Variants in SLC6A11 observed in about 807,000 individuals in gnomAD.
The protein encoded by SLC6A11 is sodium- and chloride-dependent GABA transporter 3.
A neutral mutation model predicts 74.8 loss-of-function variants in SLC6A11; 25 were observed. The ratio of observed to expected loss-of-function variants is 0.33; its 90% confidence interval spans 0.24 to 0.47. The LOEUF is 0.47. SLC6A11 is among the 20% of genes least tolerant of loss of function. The pLI is 1.00. For synonymous variants in SLC6A11, 330 were observed against 330.2 expected (o/e 1.00, Z 0.01); for missense variants, 574 against 837.0 (o/e 0.69, Z 3.88).
chr3:10,893,992 C>T (rs901253812), intron 6 of SLC6A11, among the ~76,000 whole-genome samples: 4 of 152,176 alleles, frequency 2.6e-5, no homozygotes, highest in African/African-American at 7.2e-5. Context: ...GGAATGAAGA[C>T]AGCCCCTCCC....
chr3:10,933,088 C>A, intron 10 of SLC6A11, 63 bp from the exon 11 acceptor site: 1 of 1,178,088 alleles, frequency 8.5e-7, no homozygotes, highest in Non-Finnish European at 1.3e-6. Flanking sequence ...GGCCAGATGG[C>A]TGACCCTGCT....
At chr3:10,905,631 T>A (rs1695293037) in intron 6 of SLC6A11, among the ~76,000 whole-genome samples, 1 of 152,258 alleles carries the variant, frequency 6.6e-6, no homozygotes, top group South Asian at 2.1e-4. Context: ...AGTTCCTTTC[T>A]AGACTGAGAG....
chr3:10,822,712 G>A lies in SLC6A11; in HGVS notation c.533-590G>A, dbSNP rs80231479. Reference sequence around the variant, plus strand: ...AAATCTCCCTGGGACATCAAATTTCGTGAAATGAGAAGAGGCATTCAGTAA... The same window carrying A: ...AAATCTCCCTGGGACATCAAATTTCATGAAATGAGAAGAGGCATTCAGTAA... On this transcript the variant is annotated intron_variant, in intron 3 of 13. Transcript: ENST00000254488. 2.4e-4 allele frequency among the ~76,000 whole-genome samples: 37 copies of A among 152,242 alleles called. No individual in the cohort carries two copies. The East Asian group carries it at 5.2e-3, about 21-fold the overall frequency.
intron 10 of SLC6A11, 73 bp from the exon 11 acceptor site, chr3:10,933,077 AG>A: frequency 2.0e-6 from 2 of 1,010,764 alleles, no homozygotes; most frequent in Admixed American, 3.4e-5. Context: ...GACCTTCCTG[AG>A]GCCAGATGGC....
intron 6 of SLC6A11, among the ~76,000 whole-genome samples, chr3:10,896,393 G>C (rs1268408393): frequency 3.3e-5 from 5 of 152,184 alleles, no homozygotes. Context: ...TACAAACCTA[G>C]TCTCATTTTG....
chr3:10,871,005 G>A (rs1694822236), intron 5 of SLC6A11, among the ~76,000 whole-genome samples: 2 of 152,154 alleles, frequency 1.3e-5, no homozygotes, highest in Admixed American at 1.3e-4. Flanking sequence ...AGCAGTGGAG[G>A]GAATGTAGTT....
At chr3:10,862,646 A>C (rs1260186429) in intron 5 of SLC6A11, among the ~76,000 whole-genome samples, 1 of 152,110 alleles carries the variant, frequency 6.6e-6, no homozygotes, top group Non-Finnish European at 1.5e-5. Context: ...GACTTTCTTC[A>C]TGTAGCACAT....
chr3:10,856,906 C>G (rs1191209282), intron 5 of SLC6A11, among the ~76,000 whole-genome samples: 1 of 152,128 alleles, frequency 6.6e-6, no homozygotes, highest in Non-Finnish European at 1.5e-5. Flanking sequence ...ACTGAGAAAC[C>G]CCCACCTCAC....
chr3:10,863,367 G>A (rs1471056174), intron 5 of SLC6A11, among the ~76,000 whole-genome samples: 1 of 152,178 alleles, frequency 6.6e-6, no homozygotes, highest in Non-Finnish European at 1.5e-5. Context: ...GGGAACTATG[G>A]TCTATGATTC....
intron 6 of SLC6A11, 125 bp downstream of exon 6, chr3:10,875,220 C>T: frequency 2.8e-6 from 2 of 713,082 alleles, no homozygotes; most frequent in Non-Finnish European, 4.1e-6. Context: ...TGGACTCTTT[C>T]CCAGAATAAT....
intron 5 of SLC6A11, among the ~76,000 whole-genome samples, chr3:10,849,854 C>T (rs933216936): frequency 1.1e-4 from 16 of 145,730 alleles, no homozygotes; most frequent in African/African-American, 3.8e-4. Flanking sequence ...ACTGTGTGTC[C>T]TTCTCTTGTG....
intron 6 of SLC6A11, among the ~76,000 whole-genome samples, chr3:10,882,473 C>G (rs559995019): frequency 6.6e-6 from 1 of 152,164 alleles, no homozygotes; most frequent in South Asian, 2.1e-4. Flanking sequence ...TCACCGTTCT[C>G]CACCCACTAG....
At chr3:10,858,997 TAGAGATC>T (rs1045145023) in intron 5 of SLC6A11, among the ~76,000 whole-genome samples, 8 of 152,008 alleles carry the variant, frequency 5.3e-5, no homozygotes, top group African/African-American at 1.5e-4. Context: ...GATTGGTAGG[TAGAGATC>T]AGCTTATGAA....
intron 12 of SLC6A11, among the ~76,000 whole-genome samples, chr3:10,934,570 G>A (rs3774074): frequency 0.026 from 4,024 of 152,296 alleles, 118 homozygotes; most frequent in East Asian, 0.17. Context: ...GGACCACAGC[G>A]GGGCCTTTGT....
intron 5 of SLC6A11, among the ~76,000 whole-genome samples, chr3:10,873,385 G>GGCATCCTATCC (rs1694850882): frequency 8.4e-6 from 1 of 118,766 alleles, no homozygotes; most frequent in East Asian, 3.2e-4. Flanking sequence ...CTTCATTATT[G>GGCATCCTATCC]TATCCTATCC....
At chr3:10,925,472 G>C (rs1575705976) in intron 8 of SLC6A11, among the ~76,000 whole-genome samples, 1 of 147,154 alleles carries the variant, frequency 6.8e-6, no homozygotes, top group African/African-American at 2.4e-5. Context: ...CCGAGGACAC[G>C]TTAACCCAGC....
At chr3:10,865,460 G>A (rs982865323) in intron 5 of SLC6A11, among the ~76,000 whole-genome samples, 1 of 152,140 alleles carries the variant, frequency 6.6e-6, no homozygotes, top group African/African-American at 2.4e-5. Flanking sequence ...TCAGGAGATC[G>A]AGACCATCCT....
chr3:10,855,416 C>T (rs901568773), intron 5 of SLC6A11, among the ~76,000 whole-genome samples: 2 of 152,164 alleles, frequency 1.3e-5, no homozygotes, highest in East Asian at 3.8e-4. Context: ...TCTGCCACAC[C>T]CTGCTGTCTT....
chr3:10,819,966 T>A, intron 3 of SLC6A11, 114 bp downstream of exon 3: 1 of 1,112,982 alleles, frequency 9.0e-7, no homozygotes, highest in South Asian at 1.5e-5. Context: ...AGTCCAGTTT[T>A]CTAGGGTAGT....
Sources: allele counts gnomAD v4.1 joint callset (sites outside exome capture counted in the v4.1 genomes callset), GRCh38; gene constraint gnomAD v4.1.1; transcripts MANE v1.5; gene names NCBI Gene and HGNC (gene_info 2026-07-23, HGNC 2026-07-21).